SLC22A15: variants seen among roughly 807,000 people sequenced by gnomAD.
SLC22A15 encodes solute carrier family 22 member 15, also known as flipt 1.
Under a neutral mutation model 62.7 loss-of-function variants are expected in SLC22A15, and 45 were observed. That is an observed-to-expected ratio of 0.72 (90% CI 0.56 to 0.92). The LOEUF (loss-of-function observed/expected upper bound fraction) is 0.92. SLC22A15 is among the 40% of genes least tolerant of loss of function. The pLI, the probability that SLC22A15 is intolerant of heterozygous loss-of-function variation, is 0.00. For synonymous variants in SLC22A15, 264 were observed against 267.0 expected (o/e 0.99, Z 0.11); for missense variants, 622 against 665.6 (o/e 0.93, Z 0.72).
chr1:116,060,486 G>A (rs1175142141), intron 8 of SLC22A15, among the ~76,000 whole-genome samples: 1 of 152,170 alleles, frequency 6.6e-6, no homozygotes, highest in Non-Finnish European at 1.5e-5. Flanking sequence ...CACACCCTTG[G>A]AATCCAGATT....
At position 116,031,407 on chromosome 1, in the gene SLC22A15, G is replaced by C; in HGVS notation, c.770G>C (p.Arg257Pro). 1 of 1,613,732 alleles carries C rather than the reference G, an allele frequency of 6.2e-7. No homozygotes were observed. The highest frequency in any genetic ancestry group is 1.3e-5 in the African/African-American group (1 of 75,002). ...ESPRWLYSQGRLSEAEEALYL... is the reference protein window; with the variant it reads ...ESPRWLYSQGPLSEAEEALYL... ...CCTCGTTGGTTATACTCCCAGGGTC[G>C]ACTGAGTGAGGCTGAAGAGGCGCTG... Residue 257 changes from arginine to proline, a missense_variant, in exon 6 of 12, where the codon CGA (arginine) becomes CCA (proline). Coordinates refer to ENST00000369503, the MANE Select transcript of SLC22A15 (RefSeq NM_018420.3).
intron 8 of SLC22A15, among the ~76,000 whole-genome samples, chr1:116,053,244 C>G (rs1263624843): frequency 6.6e-6 from 1 of 152,062 alleles, no homozygotes; most frequent in Non-Finnish European, 1.5e-5. Flanking sequence ...GGCTCGAGAA[C>G]CACATGAAGA....
intron 8 of SLC22A15, 28 bp from the exon 9 acceptor site, chr1:116,062,734 T>G (rs770224684): frequency 6.2e-7 from 1 of 1,613,206 alleles, no homozygotes; most frequent in East Asian, 2.2e-5. Flanking sequence ...ACTGTGGGTC[T>G]CACAGGCATT....
chr1:116,039,539 A>T (rs1010436245), intron 8 of SLC22A15, among the ~76,000 whole-genome samples: 11 of 151,158 alleles, frequency 7.3e-5, no homozygotes, highest in African/African-American at 2.4e-4. Context: ...GTCTCAATTT[A>T]AAAAAAAAGA....
intron 2 of SLC22A15, among the ~76,000 whole-genome samples, chr1:115,993,152 C>A (rs754272379): frequency 1.6e-4 from 25 of 152,248 alleles, no homozygotes; most frequent in African/African-American, 4.6e-4. Context: ...TCATGGTCAG[C>A]TGGAAGGCAC....
At chr1:116,039,778 A>T (rs905831602) in intron 8 of SLC22A15, among the ~76,000 whole-genome samples, 8 of 152,222 alleles carry the variant, frequency 5.3e-5, no homozygotes, top group African/African-American at 1.7e-4. Context: ...CTTCTTTCAG[A>T]TAAATAGTAA....
intron 8 of SLC22A15, among the ~76,000 whole-genome samples, chr1:116,051,334 C>G (rs760390490): frequency 2.0e-5 from 3 of 152,146 alleles, no homozygotes; most frequent in Non-Finnish European, 4.4e-5. Context: ...CCATAGTCAC[C>G]AAAACAGCAT....
At chr1:116,033,557 C>CTGTGTG (rs752224418) in intron 6 of SLC22A15, among the ~76,000 whole-genome samples, 61 of 149,446 alleles carry the variant, frequency 4.1e-4, no homozygotes, top group African/African-American at 3.5e-4. Flanking sequence ...AGGGGTGTCT[C>CTGTGTG]TGTGTGTGTG....
At chr1:116,055,920 C>G (rs555542943) in intron 8 of SLC22A15, among the ~76,000 whole-genome samples, 3,531 of 148,404 alleles carry the variant, frequency 0.024, 58 homozygotes, top group Non-Finnish European at 0.039. Flanking sequence ...ATAATAAGAG[C>G]TATCTATGAC....
At chr1:116,041,253 T>C (rs1370908848) in intron 8 of SLC22A15, among the ~76,000 whole-genome samples, 3 of 152,218 alleles carry the variant, frequency 2.0e-5, no homozygotes, top group Non-Finnish European at 4.4e-5. Flanking sequence ...CTAGTGTCTA[T>C]GATACAAAAG....
At chr1:116,002,134 A>C (rs1369485137) in intron 2 of SLC22A15, among the ~76,000 whole-genome samples, 1 of 152,238 alleles carries the variant, frequency 6.6e-6, no homozygotes, top group African/African-American at 2.4e-5. Context: ...AAGATCTGGG[A>C]GAATTTCCTG....
intron 1 of SLC22A15, among the ~76,000 whole-genome samples, chr1:115,979,430 A>G (rs1345805086): frequency 2.0e-5 from 3 of 152,230 alleles, no homozygotes; most frequent in South Asian, 2.1e-4. Flanking sequence ...AAATGGTGAT[A>G]TGTGGTATTA....
At chr1:116,016,994 G>T (rs763253655) in intron 2 of SLC22A15, among the ~76,000 whole-genome samples, 1 of 152,006 alleles carries the variant, frequency 6.6e-6, no homozygotes. Flanking sequence ...TTCAATATTC[G>T]TTCTTTGCAC....
At chr1:115,986,483 G>A (rs943038174) in intron 1 of SLC22A15, among the ~76,000 whole-genome samples, 1 of 152,150 alleles carries the variant, frequency 6.6e-6, no homozygotes. Flanking sequence ...ATTAAGAAGG[G>A]AGACGGTGTG....
intron 2 of SLC22A15, among the ~76,000 whole-genome samples, chr1:116,014,717 A>G (rs1025098560): frequency 6.6e-6 from 1 of 152,220 alleles, no homozygotes; most frequent in Non-Finnish European, 1.5e-5. Context: ...CAGCATTTGA[A>G]TGACTTATAA....
intron 8 of SLC22A15, among the ~76,000 whole-genome samples, chr1:116,042,357 A>G (rs187218049): frequency 2.8e-4 from 43 of 152,104 alleles, no homozygotes; most frequent in Non-Finnish European, 5.4e-4. Flanking sequence ...AACATATAAT[A>G]TATGAAAAAA....
rs1269601714 is a variant in SLC22A15, at chr1:116,068,365, TA to T, written c.*1259del. The T allele has an allele frequency of 1.3e-5, 2 of 152,660 alleles. No individual in the cohort carries two copies. Among genetic ancestry groups the T allele is most frequent in the African/African-American group, 4.8e-5 (2 of 41,466 alleles). The allele number at this position is 152,660 out of a possible 1,614,324, so 9.5% of individuals were successfully genotyped here. ...GTGTTTTCAGAATTTCCATTTCTAC[TA>T]ACCTCTTGGAGAAAAAGAAATTGAA... On this transcript the variant is annotated 3_prime_UTR_variant, in exon 12 of 12. Transcript: ENST00000369503.
intron 2 of SLC22A15, among the ~76,000 whole-genome samples, chr1:116,007,464 C>T (rs896394750): frequency 2.0e-5 from 3 of 152,176 alleles, no homozygotes; most frequent in African/African-American, 7.2e-5. Flanking sequence ...CAGTTGGCAT[C>T]ACTGACCCAC....
intron 1 of SLC22A15, among the ~76,000 whole-genome samples, chr1:115,977,520 C>T (rs972193125): frequency 2.0e-5 from 3 of 152,246 alleles, no homozygotes; most frequent in Non-Finnish European, 1.5e-5. Context: ...AGTCGCTTCT[C>T]TCAATATGCC....
Sources: allele counts gnomAD v4.1 joint callset (sites outside exome capture counted in the v4.1 genomes callset), GRCh38; gene constraint gnomAD v4.1.1; transcripts MANE v1.5; gene names NCBI Gene and HGNC (gene_info 2026-07-23, HGNC 2026-07-21).